The following ARFGAP1 variants were observed in gnomAD, a reference collection of about 807,000 sequenced individuals.
ARFGAP1 encodes ARF GTPase activating protein 1.
ARFGAP1 carries 26 observed loss-of-function variants against 54.0 expected under a neutral mutation model. That is an observed-to-expected ratio of 0.48 (90% CI 0.35 to 0.67). The LOEUF is 0.67. Among genes scored for constraint, ARFGAP1 ranks in the 30% least tolerant of loss-of-function variants. The pLI is 0.00. For missense variants in ARFGAP1, 525 were observed against 535.8 expected (o/e 0.98, Z 0.20); for synonymous variants, 248 against 211.9 (o/e 1.17, Z -1.48).
At chr20:63,280,228 C>T (rs991187094) in intron 7 of ARFGAP1, among the ~76,000 whole-genome samples, 18 of 152,216 alleles carry the variant, frequency 1.2e-4, no homozygotes, top group Admixed American at 3.3e-4. Flanking sequence ...GCTGCTTAAA[C>T]GGGAGCTTGC....
Position 63,278,167 on chromosome 20 carries a change from A to G in ARFGAP1, c.494A>G (p.Glu165Gly). ...ACCGCCTCCTCGGACAAGGCTTTTG[A>G]AGACTGGCTGAATGATGACCTCGGC... Reference protein sequence around the residue: ...SVTASSDKAFEDWLNDDLGSY... With the variant: ...SVTASSDKAFGDWLNDDLGSY... Residue 165 changes from glutamate to glycine, a missense_variant, in exon 6 of 13, where the codon GAA (glutamate) becomes GGA (glycine). Transcript: ENST00000370283. 1 of 1,613,664 alleles carries G rather than the reference A, an allele frequency of 6.2e-7. No homozygotes were observed. Among genetic ancestry groups the G allele is most frequent in the Non-Finnish European group, 8.5e-7 (1 of 1,179,926 alleles).
intron 9 of ARFGAP1, chr20:63,283,735 G>A: frequency 8.8e-7 from 1 of 1,129,990 alleles, no homozygotes; most frequent in Non-Finnish European, 1.3e-6. Context: ...CTGAGAGCCT[G>A]CCCGGTGCTG....
rs538876264 is a variant in ARFGAP1, at chr20:63,277,983, C to T, written c.444-134C>T. ...AGCAGCCACTCAGAGCTGAAGGCCA[C>T]CCTGGCCTCAGGTGCTCTCAGGGGT... is the stretch of plus-strand genomic sequence containing the variant. On this transcript the variant is annotated intron_variant, in intron 5 of 12. Coordinates refer to ENST00000370283, the MANE Select transcript of ARFGAP1 (RefSeq NM_018209.4). The T allele has an allele frequency of 6.7e-6, 5 of 740,920 alleles. No individual in the cohort carries two copies. The Admixed American group carries it at 8.8e-5, about 13-fold the overall frequency. 45.9% of individuals were successfully genotyped at this position (740,920 alleles called of 1,614,324 possible).
At chr20:63,278,414 T>C (rs1009816508) in intron 6 of ARFGAP1, 1 of 510,976 alleles carries the variant, frequency 2.0e-6, no homozygotes, top group Non-Finnish European at 3.4e-6. Flanking sequence ...CCAGCCCAGG[T>C]GTGAATTGGG....
chr20:63,285,941 C>A (rs1433682775), intron 11 of ARFGAP1: 1 of 1,494,702 alleles, frequency 6.7e-7, no homozygotes, highest in South Asian at 1.3e-5. Context: ...TCCCTCTGCT[C>A]TTATCTTGCT....
At chr20:63,281,152 G>C in intron 7 of ARFGAP1, 139 bp from the exon 8 acceptor site, 1 of 818,714 alleles carries the variant, frequency 1.2e-6, no homozygotes, top group Non-Finnish European at 1.9e-6. Flanking sequence ...GCCTGGAGAA[G>C]CAGGCGCGGT....
Position 63,276,787 on chromosome 20 carries a change from C to A in ARFGAP1, c.342+136C>A. 1 of 1,061,194 alleles carries A rather than the reference C, an allele frequency of 9.4e-7. No homozygotes were observed. The highest frequency in any genetic ancestry group is 1.3e-6 in the Non-Finnish European group (1 of 757,470). 65.7% of individuals were successfully genotyped at this position (1,061,194 alleles called of 1,614,324 possible). A position where few individuals can be genotyped will look rare whatever the true frequency, so the allele number is the denominator to read the frequency against. On this transcript the variant is annotated intron_variant, in intron 4 of 12. Coordinates refer to ENST00000370283, the MANE Select transcript of ARFGAP1 (RefSeq NM_018209.4). The surrounding 1 kb of genome is among the most constrained non-coding windows in gnomAD (Gnocchi z 5.2). ...GACACACCCACTGGGCCACACACAA[C>A]TTGCCGCCCTGGAGCAGAGGCTTCC...
At position 63,276,764 on chromosome 20, in the gene ARFGAP1, C is replaced by T. The variant is rs1401359572; in HGVS notation, c.342+113C>T. The T allele has an allele frequency of 1.3e-5, 16 of 1,257,346 alleles. No individual in the cohort carries two copies. The highest frequency in any genetic ancestry group is 1.6e-5 in the Non-Finnish European group (15 of 926,780). The allele number at this position is 1,257,346 out of a possible 1,614,324, so 77.9% of individuals were successfully genotyped here. A position where few individuals can be genotyped will look rare whatever the true frequency, so the allele number is the denominator to read the frequency against. ...GAGTCGGTTCTTCTGCTGGTTCTGACACACCCACTGGGCCACACACAACTT... is the reference window on the plus strand; with the variant it reads ...GAGTCGGTTCTTCTGCTGGTTCTGATACACCCACTGGGCCACACACAACTT... On this transcript the variant is annotated intron_variant, in intron 4 of 12. Transcript: ENST00000370283. This position sits in a 1 kb window ranked among gnomAD's most constrained non-coding sequence, Gnocchi z 5.2.
chr20:63,274,681 T>C (rs1601329473), intron 1 of ARFGAP1, among the ~76,000 whole-genome samples: 1 of 152,292 alleles, frequency 6.6e-6, no homozygotes, highest in East Asian at 1.9e-4. Flanking sequence ...GACTATCTTC[T>C]ACAGTTTGCT....
At chr20:63,284,651 G>T in intron 9 of ARFGAP1, 1 of 1,401,238 alleles carries the variant, frequency 7.1e-7, no homozygotes, top group South Asian at 1.5e-5. Context: ...GCAAGAATTG[G>T]TGGGGGCCGC....
At position 63,283,554 on chromosome 20, in the gene ARFGAP1, A is replaced by G. The variant is rs535918584; in HGVS notation, c.717+703A>G. The G allele has an allele frequency of 2.5e-5, 11 of 440,382 alleles. No individual in the cohort carries two copies. In the South Asian group the frequency reaches 4.4e-4, roughly 18 times the overall value. 27.3% of individuals were successfully genotyped at this position (440,382 alleles called of 1,614,324 possible). On this transcript the variant is annotated intron_variant, in intron 9 of 12. Coordinates refer to ENST00000370283, the MANE Select transcript of ARFGAP1 (RefSeq NM_018209.4). ...CCCATCCGTCACCCCCGTGGCCCAT[A>G]TCACCCCTTCCTCTCTGAGGGAGTC... is the stretch of plus-strand genomic sequence containing the variant.
chr20:63,276,838 G>T lies in ARFGAP1; in HGVS notation c.342+187G>T. On this transcript the variant is annotated intron_variant, in intron 4 of 12. Coordinates refer to ENST00000370283, the MANE Select transcript of ARFGAP1 (RefSeq NM_018209.4). The surrounding 1 kb of genome is among the most constrained non-coding windows in gnomAD (Gnocchi z 5.2). ...TGCCCAGAGGGGAGGCAAATGGCTT[G>T]CGGGGGGAGACAGACCTTCCCCGCC... is the stretch of plus-strand genomic sequence containing the variant. 3 of 641,010 alleles carry T rather than the reference G, an allele frequency of 4.7e-6. No individual in the cohort carries two copies. In the South Asian group the frequency reaches 7.2e-5, roughly 15 times the overall value. 39.7% of individuals were successfully genotyped at this position (641,010 alleles called of 1,614,324 possible). A position where few individuals can be genotyped will look rare whatever the true frequency, so the allele number is the denominator to read the frequency against.
rs776043547 is a variant in ARFGAP1, at chr20:63,278,149, C to G, written c.476C>G (p.Ser159Cys). The change falls in exon 6 of 13, where the codon TCC becomes TGC. Residue 159 changes from serine to cysteine, a missense_variant. By Grantham distance (112) the Ser-to-Cys change is moderately radical. Around this residue, in one of 3 missense-constraint regions of ARFGAP1, gnomAD observed 466 missense variants for 453.6 expected, o/e 1.03. Transcript: ENST00000370283. Reference sequence around the variant, plus strand: ...GGCCAGCCGCAGAGTGTGACCGCCTCCTCGGACAAGGCTTTTGAAGACTGG... The same window carrying G: ...GGCCAGCCGCAGAGTGTGACCGCCTGCTCGGACAAGGCTTTTGAAGACTGG... ...VSGQPQSVTA[S>C]SDKAFEDWLN... 6.2e-7 allele frequency: 1 copy of G among 1,613,798 alleles called. No homozygotes were observed. Among genetic ancestry groups the G allele is most frequent in the Non-Finnish European group, 8.5e-7 (1 of 1,179,966 alleles).
intron 1 of ARFGAP1, chr20:63,274,342 CTT>C (rs932622948): frequency 7.6e-6 from 1 of 131,758 alleles, no homozygotes; most frequent in Non-Finnish European, 1.6e-5. Flanking sequence ...CAGTGAATAT[CTT>C]ATTTCTGGAT....
intron 12 of ARFGAP1, among the ~76,000 whole-genome samples, chr20:63,287,344 G>C (rs550525760): frequency 1.5e-3 from 234 of 152,372 alleles, no homozygotes; most frequent in Non-Finnish European, 2.2e-3. Flanking sequence ...CTCCAGTTGG[G>C]GTGGTTGATA....
chr20:63,276,766 C>T lies in ARFGAP1; in HGVS notation c.342+115C>T. 3.2e-6 allele frequency: 4 copies of T among 1,246,308 alleles called. No individual in the cohort carries two copies. Among genetic ancestry groups the T allele is most frequent in the Non-Finnish European group, 4.4e-6 (4 of 917,710 alleles). 77.2% of individuals were successfully genotyped at this position (1,246,308 alleles called of 1,614,324 possible). ...GTCGGTTCTTCTGCTGGTTCTGACA[C>T]ACCCACTGGGCCACACACAACTTGC... On this transcript the variant is annotated intron_variant, in intron 4 of 12. Coordinates refer to ENST00000370283, the MANE Select transcript of ARFGAP1 (RefSeq NM_018209.4). The surrounding 1 kb of genome is among the most constrained non-coding windows in gnomAD (Gnocchi z 5.2).
At chr20:63,277,183 A>T in intron 4 of ARFGAP1, 22 bp from the exon 5 acceptor site, 1 of 1,606,340 alleles carries the variant, frequency 6.2e-7, no homozygotes, top group Non-Finnish European at 8.5e-7. Flanking sequence ...ATGCTCTCGA[A>T]TGCCCTGTGT....
intron 9 of ARFGAP1, 181 bp from the exon 10 acceptor site, chr20:63,284,685 G>A (rs765423268): frequency 2.2e-5 from 32 of 1,438,778 alleles, no homozygotes; most frequent in South Asian, 5.6e-5. Context: ...TAGAGGTGGC[G>A]GCCTACTGCC....
chr20:63,283,816 T>G, intron 9 of ARFGAP1: 1 of 1,612,230 alleles, frequency 6.2e-7, no homozygotes, highest in Non-Finnish European at 8.5e-7. Flanking sequence ...CTCACCTTGC[T>G]CTCTCCTCAC....
Sources: allele counts gnomAD v4.1 joint callset (sites outside exome capture counted in the v4.1 genomes callset), GRCh38; gene constraint gnomAD v4.1.1; regional missense constraint gnomAD v4.1.1; non-coding constraint Gnocchi (gnomAD v3.1); transcripts MANE v1.5; gene names NCBI Gene and HGNC (gene_info 2026-07-23, HGNC 2026-07-21).